Variants in MORN1 observed in about 807,000 individuals in gnomAD.
The protein encoded by MORN1 is MORN repeat-containing protein 1.
MORN1 carries 67 observed loss-of-function variants against 61.9 expected under a neutral mutation model. That is an observed-to-expected ratio of 1.08 (90% CI 0.89 to 1.33). MORN1 has a LOEUF of 1.33. MORN1 is among the 40% of genes most tolerant of loss of function. The pLI, the probability that MORN1 is intolerant of heterozygous loss-of-function variation, is 0.00. For missense variants in MORN1, 752 were observed against 691.2 expected (o/e 1.09, Z -0.99); for synonymous variants, 301 against 292.0 (o/e 1.03, Z -0.31).
chr1:2,351,179 G>A (rs1641637579), intron 10 of MORN1: 1 of 152,484 alleles, frequency 6.6e-6, no homozygotes, highest in South Asian at 2.1e-4. Context: ...GGTGCTGCGT[G>A]AGCACAGCTG....
chr1:2,321,901 C>T lies in MORN1; in HGVS notation c.1298-322G>A, dbSNP rs988751935. 6.7e-6 allele frequency: 4 copies of T among 599,518 alleles called. No homozygotes were observed. The African/African-American group carries it at 8.0e-5, about 12-fold the overall frequency. The allele number at this position is 599,518 out of a possible 1,614,324, so 37.1% of individuals were successfully genotyped here. On this transcript the variant is annotated intron_variant, in intron 13 of 13. Coordinates refer to ENST00000378531, the MANE Select transcript of MORN1 (RefSeq NM_024848.3). ...GGACACGACCCTCGCATGGTGGCCG[C>T]TCTCAAGCCCCCACTGCTGACCTGG...
intron 6 of MORN1, 99 bp downstream of exon 6, chr1:2,384,879 G>C: frequency 1.9e-6 from 2 of 1,033,114 alleles, no homozygotes; most frequent in Non-Finnish European, 2.8e-6. Flanking sequence ...CTGGCACATG[G>C]AGAAGCTGCC....
rs894097184 is a variant in MORN1 at position 2,323,543 on chromosome 1, T to G, written c.1297+554A>C. The stretch of plus-strand genomic sequence containing the variant: ...CTGGCATTCGGCCCCTCTGGCTTGG[T>G]GGGGGGGTGCCAGGCCCAGGCTGTG... On this transcript the variant is annotated intron_variant, in intron 13 of 13. Coordinates refer to ENST00000378531, the MANE Select transcript of MORN1 (RefSeq NM_024848.3). 8 of 985,096 alleles carry G rather than the reference T, an allele frequency of 8.1e-6. No homozygotes were observed. In the African/African-American group the frequency reaches 8.7e-5, roughly 11 times the overall value. The allele number at this position is 985,096 out of a possible 1,614,324, so 61.0% of individuals were successfully genotyped here. A position where few individuals can be genotyped will look rare whatever the true frequency, so the allele number is the denominator to read the frequency against.
intron 10 of MORN1, chr1:2,355,083 GGGCCCGC>G: frequency 1.1e-6 from 1 of 884,812 alleles, no homozygotes; most frequent in South Asian, 4.8e-5. Flanking sequence ...CCGGCGCGGG[GGGCCCGC>G]GCGGGGTAGG....
intron 8 of MORN1, chr1:2,363,033 A>C (rs1448976978): frequency 6.6e-6 from 1 of 152,230 alleles, no homozygotes; most frequent in Admixed American, 6.5e-5. Context: ...AAGAACCAGA[A>C]GCCACAGCAA....
At chr1:2,373,783 G>C (rs1642175732) in intron 7 of MORN1, among the ~76,000 whole-genome samples, 1 of 152,192 alleles carries the variant, frequency 6.6e-6, no homozygotes, top group Non-Finnish European at 1.5e-5. Flanking sequence ...GGTCTGTGCT[G>C]AGGGCAGCAG....
At chr1:2,325,128 T>TCCCTCCCA (rs1640982783) in intron 12 of MORN1, among the ~76,000 whole-genome samples, 1 of 87,974 alleles carries the variant, frequency 1.1e-5, no homozygotes, top group Admixed American at 1.1e-4. Context: ...CTTCCCTTCC[T>TCCCTCCCA]TCCTTCCCTC....
chr1:2,336,120 G>A (rs1460067636), intron 12 of MORN1, among the ~76,000 whole-genome samples: 1 of 152,188 alleles, frequency 6.6e-6, no homozygotes, highest in Non-Finnish European at 1.5e-5. Context: ...CTGAACCCTG[G>A]CCACCAGCCG....
chr1:2,370,987 C>T (rs565925464), intron 8 of MORN1, among the ~76,000 whole-genome samples: 4 of 151,900 alleles, frequency 2.6e-5, no homozygotes, highest in Non-Finnish European at 4.4e-5. Context: ...GGGTGGATCA[C>T]GAGGTCAGGA....
intron 10 of MORN1, among the ~76,000 whole-genome samples, chr1:2,345,995 AACCTTCCTC>A (rs1641507773): frequency 1.4e-5 from 2 of 146,988 alleles, no homozygotes; most frequent in Admixed American, 1.4e-4. Flanking sequence ...AGCCACCAGG[AACCTTCCTC>A]AGACAAAGCC....
At chr1:2,322,767 CG>C (rs1019001275) in intron 13 of MORN1, 14 of 985,302 alleles carry the variant, frequency 1.4e-5, no homozygotes, top group Admixed American at 6.1e-5. Context: ...AGGCGCTGGC[CG>C]GGGGGCCGAG....
At chr1:2,385,720 C>T in intron 5 of MORN1, 87 bp downstream of exon 5, 1 of 1,265,906 alleles carries the variant, frequency 7.9e-7, no homozygotes, top group Non-Finnish European at 1.2e-6. Context: ...CCATGGCAGT[C>T]CTGTCTACAC....
At chr1:2,390,572 G>A (rs1470192465) in intron 1 of MORN1, 2 of 985,270 alleles carry the variant, frequency 2.0e-6, no homozygotes, top group African/African-American at 1.7e-5. Flanking sequence ...CAGCTCCTCA[G>A]GCACATTTTG....
intron 6 of MORN1, chr1:2,379,270 G>T (rs1177481719): frequency 2.4e-6 from 1 of 411,226 alleles, no homozygotes; most frequent in East Asian, 7.2e-5. Context: ...GGTGGGCAGA[G>T]GTGAAGGCCA....
chr1:2,390,399 T>G, intron 1 of MORN1: 1 of 980,260 alleles, frequency 1.0e-6, no homozygotes, highest in Non-Finnish European at 1.2e-6. Flanking sequence ...AGGAGCAGAC[T>G]CTCCCATCCC....
chr1:2,324,311 C>T (rs1299221284), intron 12 of MORN1, among the ~76,000 whole-genome samples, 168 bp from the exon 13 acceptor site: 2 of 152,190 alleles, frequency 1.3e-5, no homozygotes, highest in African/African-American at 4.8e-5. Context: ...GGAGAGTCCT[C>T]TGGCAGCCTG....
chr1:2,388,229 T>A lies in MORN1; in HGVS notation c.247+10A>T, dbSNP rs750845010. 1.2e-6 allele frequency: 2 copies of A among 1,610,488 alleles called. No individual in the cohort carries two copies. Among genetic ancestry groups the A allele is most frequent in the Admixed American group, 1.7e-5 (1 of 60,002 alleles). On this transcript the variant is annotated intron_variant, in intron 3 of 13. Transcript: ENST00000378531. Reference sequence around the variant, plus strand: ...AAAGGAGTGAATGTGCCATCCCAGCTAGAGCTCACCTGACCAGGCCCAGTG... The same window carrying A: ...AAAGGAGTGAATGTGCCATCCCAGCAAGAGCTCACCTGACCAGGCCCAGTG...
At chr1:2,332,884 G>A in intron 12 of MORN1, 1 of 368,952 alleles carries the variant, frequency 2.7e-6, no homozygotes, top group African/African-American at 2.1e-5. Flanking sequence ...GCCAAGCTCT[G>A]TCGGGGACTG....
intron 13 of MORN1, chr1:2,322,564 A>G: frequency 1.0e-6 from 1 of 985,258 alleles, no homozygotes; most frequent in Non-Finnish European, 1.2e-6. Flanking sequence ...TAGAAAAAAA[A>G]AAACACGGTT....
Sources: allele counts gnomAD v4.1 joint callset (sites outside exome capture counted in the v4.1 genomes callset), GRCh38; gene constraint gnomAD v4.1.1; transcripts MANE v1.5; gene names NCBI Gene and HGNC (gene_info 2026-07-23, HGNC 2026-07-21).